RBM4: variants seen among roughly 807,000 people sequenced by gnomAD.
RBM4 encodes RNA-binding protein 4.
Under a neutral mutation model 29.5 loss-of-function variants are expected in RBM4, and 7 were observed. The ratio of observed to expected loss-of-function variants is 0.24; its 90% CI spans 0.14 to 0.45. The LOEUF (loss-of-function observed/expected upper bound fraction) is 0.45. Ranked by LOEUF, RBM4 falls within the 20% of genes least tolerant of loss-of-function variation. The probability of loss-of-function intolerance (pLI) is 1.00; values close to 1 mark genes in which losing one functional copy is unlikely to be tolerated. For synonymous variants in RBM4, 220 were observed against 205.4 expected (o/e 1.07, Z -0.61); for missense variants, 387 against 502.3 (o/e 0.77, Z 2.19).
At chr11:66,646,717 GT>G (rs977457921), downstream of RBM4, among the ~76,000 whole-genome samples, 1 of 152,136 alleles carries the variant, frequency 6.6e-6, no homozygotes, top group African/African-American at 2.4e-5. Flanking sequence ...ACTACTTTTA[GT>G]TTACAGATGT....
At chr11:66,639,153 A>C (rs1466635572) in intron 1 of RBM4, 1 of 154,180 alleles carries the variant, frequency 6.5e-6, no homozygotes. Flanking sequence ...CGGTGCCCCG[A>C]GAGAGGCGTT....
At chr11:66,644,971 ACAT>A (rs1186686699) in intron 3 of RBM4, among the ~76,000 whole-genome samples, 1 of 151,328 alleles carries the variant, frequency 6.6e-6, no homozygotes, top group Admixed American at 6.6e-5. Flanking sequence ...TCTAGTTTTG[ACAT>A]CATCTACTTT....
chr11:66,664,437 A>G (rs1048084175), intron 2 of RBM4, among the ~76,000 whole-genome samples: 5 of 151,930 alleles, frequency 3.3e-5, no homozygotes, highest in Non-Finnish European at 5.9e-5. Flanking sequence ...GGCGTGAGCT[A>G]TCGCGCCTGG....
chr11:66,652,577 A>G (rs1230415141), intron 2 of RBM4, among the ~76,000 whole-genome samples: 1 of 152,174 alleles, frequency 6.6e-6, no homozygotes, highest in Non-Finnish European at 1.5e-5. Flanking sequence ...GTGTCATGCT[A>G]AGAACTCTAT....
At chr11:66,652,192 A>C (rs1413662251) in intron 2 of RBM4, 1 of 151,776 alleles carries the variant, frequency 6.6e-6, no homozygotes, top group Non-Finnish European at 1.5e-5. Flanking sequence ...TCCCGGGTTC[A>C]CACCATTCTC....
At chr11:66,661,866 C>A (rs1271966162) in intron 2 of RBM4, among the ~76,000 whole-genome samples, 1 of 152,078 alleles carries the variant, frequency 6.6e-6, no homozygotes, top group African/African-American at 2.4e-5. Flanking sequence ...CCCATCTCCA[C>A]TAAAAATACG....
chr11:66,644,861 A>C (rs1938623020), intron 3 of RBM4: 1 of 219,440 alleles, frequency 4.6e-6, no homozygotes, highest in African/African-American at 2.4e-5. Context: ...CCCTGAATAG[A>C]GTGCCCACTC....
chr11:66,639,520 T>C (rs1490897792), intron 1 of RBM4, 180 bp from the exon 2 acceptor site: 9 of 749,026 alleles, frequency 1.2e-5, no homozygotes, highest in East Asian at 2.7e-5. Context: ...TACAGGTTCA[T>C]GGCGGCTACT....
chr11:66,654,645 G>C (rs1388690464), intron 2 of RBM4, among the ~76,000 whole-genome samples: 1 of 150,408 alleles, frequency 6.6e-6, no homozygotes, highest in Non-Finnish European at 1.5e-5. Context: ...GGGACTACAG[G>C]CACGCACCAC....
In RBM4 at chr11:66,666,210, CCTT is replaced by C. The variant is rs1411017725; in HGVS notation, c.*248_*250del. The C allele has an allele frequency of 2.7e-5, 23 of 859,490 alleles. No individual in the cohort carries two copies. The African/African-American group carries it at 3.9e-4, about 14-fold the overall frequency. The allele number at this position is 859,490 out of a possible 1,614,324, so 53.2% of individuals were successfully genotyped here. The stretch of plus-strand genomic sequence containing the variant: ...GAAATCATTCCTAGAATTCTCTAAT[CCTT>C]CTATTGATGATGGGAACTCCAGACA... On this transcript the variant is annotated 3_prime_UTR_variant, in exon 3 of 3. Coordinates refer to the RBM4 transcript ENST00000396053.
At chr11:66,641,712 A>C (rs1240583515) in intron 2 of RBM4, among the ~76,000 whole-genome samples, 1 of 152,030 alleles carries the variant, frequency 6.6e-6, no homozygotes, top group Non-Finnish European at 1.5e-5. Context: ...AGTTATTTTT[A>C]CCTTATTTTA....
chr11:66,640,380 AC>A, intron 2 of RBM4: 1 of 557,694 alleles, frequency 1.8e-6, no homozygotes, highest in Non-Finnish European at 3.1e-6. Flanking sequence ...CAGTGCAGAA[AC>A]CCTTTTCTTT....
chr11:66,642,007 T>G (rs1211716959), intron 2 of RBM4, among the ~76,000 whole-genome samples: 2 of 152,228 alleles, frequency 1.3e-5, no homozygotes, highest in African/African-American at 4.8e-5. Context: ...TTCTCTGGTT[T>G]TGTTAGGTGC....
chr11:66,664,729 A>G (rs1184125565), intron 2 of RBM4, among the ~76,000 whole-genome samples: 1 of 152,240 alleles, frequency 6.6e-6, no homozygotes, highest in Non-Finnish European at 1.5e-5. Flanking sequence ...TGCTGGGATT[A>G]CAGGCGTGAG....
chr11:66,651,457 C>T (rs1938829979), downstream of RBM4, among the ~76,000 whole-genome samples: 1 of 151,914 alleles, frequency 6.6e-6, no homozygotes, highest in South Asian at 2.1e-4. Context: ...ACGCCATTCT[C>T]CTGCCTCACC....
At chr11:66,657,960 T>C (rs988720898) in intron 2 of RBM4, among the ~76,000 whole-genome samples, 7 of 152,138 alleles carry the variant, frequency 4.6e-5, no homozygotes, top group Non-Finnish European at 8.8e-5. Context: ...GCTCTAGCCA[T>C]TTGCCTGCCT....
chr11:66,666,058 T>TA, exon 3 of RBM4: 1 of 1,145,446 alleles, frequency 8.7e-7, no homozygotes, highest in Non-Finnish European at 1.2e-6. Context: ...TCACAAGGGG[T>TA]AGGATATCAA....
downstream of RBM4, chr11:66,650,002 A>G (rs951287571): frequency 2.0e-6 from 1 of 505,714 alleles, no homozygotes; most frequent in Non-Finnish European, 3.5e-6. Flanking sequence ...CTCCCTGATT[A>G]CCTGCAATTA....
At chr11:66,661,891 G>A (rs1157214046) in intron 2 of RBM4, among the ~76,000 whole-genome samples, 1 of 152,104 alleles carries the variant, frequency 6.6e-6, no homozygotes, top group African/African-American at 2.4e-5. Context: ...TTCACCAGGC[G>A]TGGTGGCGCG....
Sources: gnomAD v4.1 joint callset for allele counts (sites outside exome capture counted in the v4.1 genomes callset) on GRCh38, gnomAD v4.1.1 for gene constraint, MANE v1.5 for transcripts, NCBI Gene and HGNC (gene_info 2026-07-23, HGNC 2026-07-21) for gene names.